The following PCDHA9 variants were observed in gnomAD, a reference collection of about 807,000 sequenced individuals.
PCDHA9 encodes protocadherin alpha-9.
PCDHA9 carries 62 observed loss-of-function variants against 62.0 expected under a neutral mutation model. The ratio of observed to expected loss-of-function variants is 1.00; its 90% CI spans 0.81 to 1.23. PCDHA9 has a LOEUF of 1.23. PCDHA9 is among the 50% of genes most tolerant of loss of function. PCDHA9 has a pLI of 0.00. For synonymous variants in PCDHA9, 557 were observed against 567.6 expected, an observed-to-expected ratio of 0.98 and a Z score of 0.27; for missense variants, 1,205 against 1,249.8, an observed-to-expected ratio of 0.96 and a Z score of 0.54.
At chr5:140,930,711 C>G (rs10214249) in intron 1 of PCDHA9, among the ~76,000 whole-genome samples, 2,020 of 152,280 alleles carry the variant, frequency 0.013, 38 homozygotes, top group African/African-American at 0.046. Flanking sequence ...TATTCTTCCT[C>G]AAGTAATGAT....
intron 1 of PCDHA9, chr5:140,867,114 G>A (rs567577345): frequency 6.6e-6 from 1 of 152,050 alleles, no homozygotes; most frequent in Non-Finnish European, 1.5e-5. Flanking sequence ...TTAACATATT[G>A]TTTTAATTCA....
chr5:140,863,248 G>C (rs782700291), intron 1 of PCDHA9: 8 of 1,396,066 alleles, frequency 5.7e-6, no homozygotes, highest in Middle Eastern at 1.9e-4. Context: ...TTTGGCGGGC[G>C]TCGAGGTCCG....
chr5:140,948,107 C>T (rs1156492592), intron 1 of PCDHA9, among the ~76,000 whole-genome samples: 3 of 151,432 alleles, frequency 2.0e-5, no homozygotes, highest in Middle Eastern at 3.2e-3. Flanking sequence ...GATTTTTCTT[C>T]GTTTTACTAA....
chr5:140,872,729 A>T (rs578008508), intron 1 of PCDHA9, among the ~76,000 whole-genome samples: 15 of 152,366 alleles, frequency 9.8e-5, no homozygotes, highest in African/African-American at 3.6e-4. Flanking sequence ...AAATTATTCA[A>T]ATTATCTAAA....
In PCDHA9 at chr5:140,850,593, C is replaced by G. The variant is rs2150490576; in HGVS notation, c.2098C>G (p.Leu700Val). The stretch of plus-strand genomic sequence containing the variant: ...GACGCTGGTGGATGTCAACGTGTAC[C>G]TGATCATCGCCATCTGCGCGGTGTC... ...EVTLVDVNVY[L>V]IIAICAVSSL... Residue 700 changes from leucine to valine, a missense_variant, in exon 1 of 4, where the codon CTG becomes GTG. By Grantham distance (32) the Leu-to-Val change is conservative (BLOSUM62 1). Coordinates refer to ENST00000532602, the MANE Select transcript of PCDHA9 (RefSeq NM_031857.2). 25 of 1,598,524 alleles carry G rather than the reference C, an allele frequency of 1.6e-5. 1 individual carries two copies. The highest frequency in any genetic ancestry group is 5.5e-5 in the South Asian group (5 of 90,556).
At chr5:140,951,170 A>G (rs62384503) in intron 1 of PCDHA9, among the ~76,000 whole-genome samples, 5,911 of 151,952 alleles carry the variant, frequency 0.039, 176 homozygotes, top group Non-Finnish European at 0.057. Flanking sequence ...TAGCTACTTT[A>G]AAGTCATTGT....
rs1453798087 is a variant in PCDHA9 at position 140,849,691 on chromosome 5, C to T, written c.1196C>T (p.Ser399Phe). ...LTPHVPFKLV[S>F]TYKNYYSLVL... Reference sequence around the variant, plus strand: ...CCCCACGTCCCCTTCAAGCTGGTGTCCACCTACAAGAATTACTACTCGTTG... The same window carrying T: ...CCCCACGTCCCCTTCAAGCTGGTGTTCACCTACAAGAATTACTACTCGTTG... The change falls in exon 1 of 4, where the codon TCC (serine) becomes TTC (phenylalanine). Residue 399 changes from serine (S) to phenylalanine (F), a missense_variant. Transcript: ENST00000532602. 1.3e-6 allele frequency: 2 copies of T among 1,598,536 alleles called. No individual in the cohort carries two copies. The highest frequency in any genetic ancestry group is 2.2e-5 in the South Asian group (2 of 90,552).
At chr5:140,875,094 T>C (rs1554167483) in intron 1 of PCDHA9, among the ~76,000 whole-genome samples, 1 of 152,258 alleles carries the variant, frequency 6.6e-6, no homozygotes. Flanking sequence ...AAATTGTTGA[T>C]GTTTTGTTAC....
At chr5:140,954,356 CCA>C (rs1251664193) in intron 1 of PCDHA9, among the ~76,000 whole-genome samples, 1 of 152,152 alleles carries the variant, frequency 6.6e-6, no homozygotes, top group Non-Finnish European at 1.5e-5. Flanking sequence ...TGAGGAATCG[CCA>C]CACAGTCTCC....
At position 140,928,212 on chromosome 5, in the gene PCDHA9, C is replaced by G. The variant is rs1388758279; in HGVS notation, c.2395-50737C>G. The G allele has an allele frequency of 2.5e-6, 4 of 1,614,106 alleles. No individual in the cohort carries two copies. The African/African-American group carries it at 5.3e-5, about 22-fold the overall frequency. On this transcript the variant is annotated intron_variant, in intron 1 of 3. Coordinates refer to ENST00000532602, the MANE Select transcript of PCDHA9 (RefSeq NM_031857.2). Reference sequence around the variant, plus strand: ...CTGTGTCAGTTGCTGATGTGAATGACAATACACCAAACTTTCCTCAACCCC... The same window carrying G: ...CTGTGTCAGTTGCTGATGTGAATGAGAATACACCAAACTTTCCTCAACCCC...
intron 3 of PCDHA9, among the ~76,000 whole-genome samples, chr5:141,006,117 T>C (rs2098255751): frequency 6.6e-6 from 1 of 152,094 alleles, no homozygotes; most frequent in African/African-American, 2.4e-5. Flanking sequence ...TTTTTTTTTT[T>C]TTCTCAAGGC....
At position 140,966,655 on chromosome 5, in the gene PCDHA9, G is replaced by T. The variant is rs576875582; in HGVS notation, c.2395-12294G>T. The T allele has an allele frequency of 2.6e-5, 31 of 1,195,250 alleles. No homozygotes were observed. In the South Asian group the frequency reaches 4.0e-4, roughly 15 times the overall value. 74.0% of individuals were successfully genotyped at this position (1,195,250 alleles called of 1,614,324 possible). On this transcript the variant is annotated intron_variant, in intron 1 of 3. Coordinates refer to ENST00000532602, the MANE Select transcript of PCDHA9 (RefSeq NM_031857.2). ...AGGCGCTTTCTAGAGCGTGAGCGGT[G>T]GGGGAGCAGGCGCAGGGTGGCACGA...
chr5:140,872,999 T>C (rs534267052), intron 1 of PCDHA9, among the ~76,000 whole-genome samples: 3 of 152,296 alleles, frequency 2.0e-5, no homozygotes, highest in African/African-American at 7.2e-5. Context: ...TACTTCTGAG[T>C]CATTCTTCAT....
intron 1 of PCDHA9, among the ~76,000 whole-genome samples, chr5:140,921,337 C>T (rs1339756681): frequency 6.6e-6 from 1 of 152,082 alleles, no homozygotes; most frequent in Non-Finnish European, 1.5e-5. Flanking sequence ...GGTCCAATCA[C>T]ATAATATATT....
At chr5:140,963,608 G>A (rs1308315109) in intron 1 of PCDHA9, among the ~76,000 whole-genome samples, 2 of 152,186 alleles carry the variant, frequency 1.3e-5, no homozygotes, top group African/African-American at 2.4e-5. Context: ...ACGTAATTGG[G>A]AAAGCTTAAC....
intron 1 of PCDHA9, among the ~76,000 whole-genome samples, chr5:140,974,423 C>T (rs2096627451): frequency 6.6e-6 from 1 of 152,166 alleles, no homozygotes; most frequent in Non-Finnish European, 1.5e-5. Flanking sequence ...ATTTTACTTT[C>T]CTGGTTTGTA....
intron 1 of PCDHA9, among the ~76,000 whole-genome samples, chr5:140,973,873 G>A (rs546928847): frequency 3.3e-5 from 5 of 152,292 alleles, no homozygotes; most frequent in African/African-American, 1.2e-4. Flanking sequence ...TGAGAGGTCA[G>A]AATAATGTCA....
chr5:140,937,213 A>AT (rs1339770312), intron 1 of PCDHA9, among the ~76,000 whole-genome samples: 2 of 151,454 alleles, frequency 1.3e-5, no homozygotes, highest in Admixed American at 1.3e-4. Flanking sequence ...AATTTTTTGT[A>AT]TTTTTTGTAG....
chr5:141,002,173 C>T (rs1442739241), intron 3 of PCDHA9, among the ~76,000 whole-genome samples: 2 of 152,192 alleles, frequency 1.3e-5, no homozygotes, highest in Non-Finnish European at 2.9e-5. Flanking sequence ...TAGGCAGGCT[C>T]CAGAGTGCTG....
Sources: allele counts gnomAD v4.1 joint callset (sites outside exome capture counted in the v4.1 genomes callset), GRCh38; gene constraint gnomAD v4.1.1; transcripts MANE v1.5; gene names NCBI Gene and HGNC (gene_info 2026-07-23, HGNC 2026-07-21).